MFF: variants seen among roughly 807,000 people sequenced by gnomAD.
MFF encodes the protein chromosome 2 open reading frame 33.
MFF carries 12 observed loss-of-function variants against 36.9 expected under a neutral mutation model. The ratio of observed to expected loss-of-function variants is 0.33; its 90% CI spans 0.21 to 0.53. The LOEUF is 0.53. MFF is among the 20% of genes least tolerant of loss of function. MFF has a pLI of 0.95. For missense variants in MFF, 348 were observed against 366.6 expected (o/e 0.95, Z 0.42); for synonymous variants, 99 against 126.2 (o/e 0.78, Z 1.44).
intron 5 of MFF, among the ~76,000 whole-genome samples, chr2:227,341,803 TA>T (rs1457216149): frequency 6.6e-6 from 1 of 152,146 alleles, no homozygotes; most frequent in Non-Finnish European, 1.5e-5. Context: ...TTCCACTTTA[TA>T]AAGATGTGGC....
intron 1 of MFF, among the ~76,000 whole-genome samples, chr2:227,328,317 AAAACC>A (rs753400660): frequency 6.7e-6 from 1 of 148,190 alleles, no homozygotes; most frequent in African/African-American, 2.5e-5. Context: ...AAAAAAAAAA[AAAACC>A]AATTCATTTG....
intron 4 of MFF, among the ~76,000 whole-genome samples, chr2:227,333,971 G>A (rs76849806): frequency 0.027 from 4,067 of 152,258 alleles, 191 homozygotes; most frequent in African/African-American, 0.093. Context: ...ACTCTACGGG[G>A]TTCATTCCTG....
intron 8 of MFF, among the ~76,000 whole-genome samples, chr2:227,356,411 A>G (rs1039857580): frequency 1.3e-5 from 2 of 152,164 alleles, no homozygotes; most frequent in African/African-American, 4.8e-5. Context: ...CAAGGATGGT[A>G]CTGTCAGCCA....
chr2:227,350,553 T>C (rs1204488511), intron 6 of MFF, among the ~76,000 whole-genome samples: 1 of 152,160 alleles, frequency 6.6e-6, no homozygotes. Context: ...TCCCTATAAA[T>C]ATACAGCTTG....
intron 7 of MFF, 98 bp downstream of exon 7, chr2:227,352,671 C>T: frequency 9.9e-7 from 1 of 1,005,446 alleles, no homozygotes; most frequent in Non-Finnish European, 1.6e-6. Flanking sequence ...GTGTTTGTAG[C>T]TGAACTTGTT....
At chr2:227,343,811 G>A (rs549042848) in intron 5 of MFF, among the ~76,000 whole-genome samples, 3 of 151,802 alleles carry the variant, frequency 2.0e-5, no homozygotes, top group East Asian at 1.9e-4. Flanking sequence ...CTTTTGAGAC[G>A]GAGTCTCACT....
At chr2:227,342,346 T>C (rs1023746381) in intron 5 of MFF, among the ~76,000 whole-genome samples, 1 of 152,184 alleles carries the variant, frequency 6.6e-6, no homozygotes, top group East Asian at 1.9e-4. Context: ...ATCTACATCT[T>C]ACTAACTTTA....
Position 227,332,417 on chromosome 2 carries a change from A to T in MFF, c.182-2A>T, listed in dbSNP as rs1180851483. 7 of 1,597,876 alleles carry T rather than the reference A, an allele frequency of 4.4e-6. No individual in the cohort carries two copies. On this transcript the variant is annotated splice_acceptor_variant, in intron 3 of 8. Coordinates refer to ENST00000304593, the MANE Select transcript of MFF (RefSeq NM_001277062.2). LOFTEE classifies it high-confidence loss of function. ...TTTGTCTCTTTTCTTGAAAACTCCT[A>T]GGAAATAATGAAGATGTTTCATTTT...
intron 1 of MFF, 72 bp downstream of exon 1, chr2:227,325,499 G>C (rs999322144): frequency 3.9e-5 from 6 of 152,916 alleles, no homozygotes; most frequent in Non-Finnish European, 5.8e-5. Context: ...CCGCCGCCGA[G>C]ACCCTCCGGC....
At chr2:227,346,131 C>T (rs6731769) in intron 5 of MFF, 25 of 165,556 alleles carry the variant, frequency 1.5e-4, no homozygotes, top group African/African-American at 5.8e-4. Flanking sequence ...TTTGTAGTTT[C>T]CAAACAAATA....
chr2:227,351,489 A>G (rs767397764), intron 6 of MFF, among the ~76,000 whole-genome samples: 1 of 150,454 alleles, frequency 6.6e-6, no homozygotes, highest in Non-Finnish European at 1.5e-5. Context: ...TTATATAATT[A>G]TTGTCTTGAT....
At chr2:227,335,555 A>G (rs2074936266) in intron 4 of MFF, among the ~76,000 whole-genome samples, 2 of 152,236 alleles carry the variant, frequency 1.3e-5, no homozygotes, top group Admixed American at 6.5e-5. Flanking sequence ...AGACATTGCC[A>G]AATGTTCTCT....
chr2:227,350,038 T>C (rs932281768), intron 6 of MFF, among the ~76,000 whole-genome samples: 1 of 152,152 alleles, frequency 6.6e-6, no homozygotes, highest in Non-Finnish European at 1.5e-5. Flanking sequence ...AGTTTACATT[T>C]TAAAGGACGC....
intron 4 of MFF, among the ~76,000 whole-genome samples, chr2:227,339,079 A>G (rs2075236011): frequency 6.6e-6 from 1 of 151,748 alleles, no homozygotes; most frequent in South Asian, 2.1e-4. Flanking sequence ...GTGTGTGCCT[A>G]TAGTCCCAGC....
At chr2:227,336,156 TAAGAAGATTTGA>T (rs1178763255) in intron 4 of MFF, among the ~76,000 whole-genome samples, 3 of 152,202 alleles carry the variant, frequency 2.0e-5, no homozygotes, top group Admixed American at 2.0e-4. Flanking sequence ...ATGCTGCCTG[TAAGAAGATTTGA>T]CACAACCTTG....
Position 227,330,623 on chromosome 2 carries a change from C to T in MFF, c.-40-3C>T, listed in dbSNP as rs775291474. ...GCCCTGTCTTTAAATTTTTCTCCCACAGGGTGAGCAGGGCAGCATTTCCTT... is the reference window on the plus strand; with the variant it reads ...GCCCTGTCTTTAAATTTTTCTCCCATAGGGTGAGCAGGGCAGCATTTCCTT... On this transcript the variant is annotated splice_polypyrimidine_tract_variant and splice_region_variant and intron_variant, in intron 2 of 8. Transcript: ENST00000304593. The T allele has an allele frequency of 7.7e-6, 11 of 1,420,438 alleles. No individual in the cohort carries two copies. Among genetic ancestry groups the T allele is most frequent in the Non-Finnish European group, 1.0e-5 (11 of 1,062,826 alleles). The allele number at this position is 1,420,438 out of a possible 1,614,324, so 88.0% of individuals were successfully genotyped here. A position where few individuals can be genotyped will look rare whatever the true frequency, so the allele number is the denominator to read the frequency against.
At chr2:227,349,826 C>T (rs10469676) in intron 6 of MFF, among the ~76,000 whole-genome samples, 44,377 of 151,984 alleles carry the variant, frequency 0.29, 7,373 homozygotes, top group South Asian at 0.48. Flanking sequence ...GTTCCTTGCT[C>T]TGTAGATCAT....
In MFF at chr2:227,347,403, C is replaced by T; in HGVS notation, c.599+19C>T. ...ATCGCAGGTGATTGGCCATCCGTGACTCTTGACAGCTTTATTGCATATTTT... is the reference window on the plus strand; with the variant it reads ...ATCGCAGGTGATTGGCCATCCGTGATTCTTGACAGCTTTATTGCATATTTT... On this transcript the variant is annotated intron_variant, in intron 6 of 8. Coordinates refer to ENST00000304593, the MANE Select transcript of MFF (RefSeq NM_001277062.2). 1.2e-6 allele frequency: 2 copies of T among 1,611,902 alleles called. No homozygotes were observed. Among genetic ancestry groups the T allele is most frequent in the Non-Finnish European group, 1.7e-6 (2 of 1,178,496 alleles).
At chr2:227,349,547 GT>G (rs1162989746) in intron 6 of MFF, among the ~76,000 whole-genome samples, 1 of 152,024 alleles carries the variant, frequency 6.6e-6, no homozygotes, top group Non-Finnish European at 1.5e-5. Context: ...AGCATTAGTT[GT>G]TACCTTGGAG....
Sources: gnomAD v4.1 joint callset for allele counts (sites outside exome capture counted in the v4.1 genomes callset) on GRCh38, gnomAD v4.1.1 for gene constraint, MANE v1.5 for transcripts, NCBI Gene and HGNC (gene_info 2026-07-23, HGNC 2026-07-21) for gene names.